SEMA6D: variants seen among roughly 807,000 people sequenced by gnomAD.
SEMA6D encodes the protein semaphorin-6D.
SEMA6D carries 35 observed loss-of-function variants against 106.6 expected under a neutral mutation model. The observed-to-expected ratio is 0.33, with a 90% CI of 0.25 to 0.44. The LOEUF (loss-of-function observed/expected upper bound fraction) is 0.44, where lower values mean the gene tolerates loss of function less well. Ranked by LOEUF, SEMA6D falls within the 20% of genes least tolerant of loss-of-function variation. SEMA6D has a pLI of 1.00. For missense variants in SEMA6D, 1,185 were observed against 1,345.9 expected (o/e 0.88, Z 1.87); for synonymous variants, 499 against 487.7 (o/e 1.02, Z -0.31).
chr15:47,561,156 C>T lies in SEMA6D; in HGVS notation c.-86-39709C>T, dbSNP rs117014482. On this transcript the variant is annotated intron_variant, in intron 3 of 19. Coordinates refer to the SEMA6D transcript ENST00000558014. Reference sequence around the variant, plus strand: ...ACAGATCCAAGATCAATGAATCTCACACAGAAATACTCAAGGAGATTCATA... The same window carrying T: ...ACAGATCCAAGATCAATGAATCTCATACAGAAATACTCAAGGAGATTCATA... Among the ~76,000 whole-genome samples, 1,509 of 151,858 alleles carry T rather than the reference C, an allele frequency of 9.9e-3. 10 individuals are homozygous for T. Among genetic ancestry groups the T allele is most frequent in the Admixed American group, 0.021 (315 of 15,210 alleles).
intron 1 of SEMA6D, among the ~76,000 whole-genome samples, chr15:47,194,528 A>G (rs1186017696): frequency 6.6e-6 from 1 of 152,298 alleles, no homozygotes; most frequent in East Asian, 1.9e-4. Flanking sequence ...AGGAAGTATC[A>G]GATCAGCATT....
At chr15:47,193,776 T>C (rs750936185) in intron 1 of SEMA6D, among the ~76,000 whole-genome samples, 13 of 152,144 alleles carry the variant, frequency 8.5e-5, no homozygotes, top group Non-Finnish European at 1.6e-4. Flanking sequence ...TTCATGTCTC[T>C]AGCTCTGCCT....
At chr15:47,675,293 GGAGA>G (rs1261142226) in intron 4 of SEMA6D, among the ~76,000 whole-genome samples, 1 of 152,150 alleles carries the variant, frequency 6.6e-6, no homozygotes, top group Non-Finnish European at 1.5e-5. Flanking sequence ...GACCATATTT[GGAGA>G]GAGAGCCTTT....
intron 3 of SEMA6D, among the ~76,000 whole-genome samples, chr15:47,527,274 G>T (rs909258581): frequency 6.6e-6 from 1 of 151,316 alleles, no homozygotes; most frequent in African/African-American, 2.4e-5. Flanking sequence ...TTATTAAGAA[G>T]AAATTTTGAA....
intron 4 of SEMA6D, among the ~76,000 whole-genome samples, chr15:47,614,752 G>A (rs1039619282): frequency 7.9e-5 from 12 of 152,146 alleles, no homozygotes; most frequent in African/African-American, 2.9e-4. Context: ...GAAATACAAG[G>A]CTTAGGAGTC....
chr15:47,185,341 T>A (rs1453250291), intron 1 of SEMA6D, among the ~76,000 whole-genome samples: 1 of 152,192 alleles, frequency 6.6e-6, no homozygotes, highest in East Asian at 1.9e-4. Context: ...GACAGCCTAG[T>A]AAATTAAACC....
chr15:47,507,440 A>G (rs886552854), intron 3 of SEMA6D, among the ~76,000 whole-genome samples: 1 of 148,330 alleles, frequency 6.7e-6, no homozygotes, highest in Admixed American at 7.0e-5. Flanking sequence ...TGCCATTCCA[A>G]CTGGGTTTCT....
chr15:47,571,327 A>G (rs1007523159), intron 3 of SEMA6D, among the ~76,000 whole-genome samples: 3 of 152,124 alleles, frequency 2.0e-5, no homozygotes, highest in African/African-American at 7.2e-5. Flanking sequence ...AACAAGGAAT[A>G]TTTTCAGAGG....
At chr15:47,230,429 G>A (rs2032111610) in intron 1 of SEMA6D, among the ~76,000 whole-genome samples, 1 of 151,984 alleles carries the variant, frequency 6.6e-6, no homozygotes, top group African/African-American at 2.4e-5. Context: ...ACATATAAAT[G>A]CATAAACATC....
chr15:47,420,962 A>G (rs2041134278), intron 2 of SEMA6D, among the ~76,000 whole-genome samples: 1 of 152,144 alleles, frequency 6.6e-6, no homozygotes, highest in East Asian at 1.9e-4. Flanking sequence ...TGGGGTTATC[A>G]TGAAGCATAA....
intron 4 of SEMA6D, among the ~76,000 whole-genome samples, chr15:47,628,426 G>C (rs1188021756): frequency 6.6e-6 from 1 of 152,060 alleles, no homozygotes; most frequent in East Asian, 1.9e-4. Context: ...AGCATTTGGT[G>C]CTGTCACTAT....
intron 3 of SEMA6D, among the ~76,000 whole-genome samples, chr15:47,543,764 T>C (rs1013382621): frequency 6.6e-6 from 1 of 152,152 alleles, no homozygotes; most frequent in African/African-American, 2.4e-5. Context: ...TGGAGTGTTA[T>C]TTCATTCCCA....
chr15:47,193,246 T>C (rs187031798), intron 1 of SEMA6D, among the ~76,000 whole-genome samples: 114 of 152,288 alleles, frequency 7.5e-4, no homozygotes, highest in Middle Eastern at 6.8e-3. Flanking sequence ...ATACATATCT[T>C]ATAAGGTTGT....
chr15:47,751,702 C>T (rs1281899952), intron 1 of SEMA6D, among the ~76,000 whole-genome samples: 1 of 152,136 alleles, frequency 6.6e-6, no homozygotes, highest in Non-Finnish European at 1.5e-5. Context: ...AAACTGGAGT[C>T]CAAAATGCTA....
chr15:47,211,217 G>GA (rs576801548), intron 1 of SEMA6D, among the ~76,000 whole-genome samples: 2 of 151,774 alleles, frequency 1.3e-5, no homozygotes, highest in Admixed American at 6.6e-5. Flanking sequence ...ACAGTTTTCT[G>GA]AAAAAAATTA....
At chr15:47,573,446 A>G (rs1307403044) in intron 3 of SEMA6D, among the ~76,000 whole-genome samples, 1 of 152,228 alleles carries the variant, frequency 6.6e-6, no homozygotes, top group Non-Finnish European at 1.5e-5. Flanking sequence ...TGAATTAAAT[A>G]CTGATCTTAT....
chr15:47,591,597 A>G (rs971096854), intron 3 of SEMA6D, among the ~76,000 whole-genome samples: 72 of 152,192 alleles, frequency 4.7e-4, no homozygotes, highest in African/African-American at 1.6e-3. Flanking sequence ...CCTAAGCTCA[A>G]AAGTTACACA....
rs1300429645 is a variant in SEMA6D, at chr15:47,433,410, TAAC to T, written c.-159+20940_-159+20942del. Among the ~76,000 whole-genome samples the T allele has an allele frequency of 2.0e-5, 3 of 152,080 alleles. No individual in the cohort carries two copies. The East Asian group carries it at 5.8e-4, about 29-fold the overall frequency. On this transcript the variant is annotated intron_variant, in intron 2 of 19. Coordinates refer to the SEMA6D transcript ENST00000558014. ...TGTCTTCTAAACAACAGATGCAGAA[TAAC>T]AGCAATAAAAACCACAGTAGAGACT...
At chr15:47,251,848 C>G (rs2033526630) in intron 1 of SEMA6D, among the ~76,000 whole-genome samples, 1 of 150,576 alleles carries the variant, frequency 6.6e-6, no homozygotes, top group Non-Finnish European at 1.5e-5. Context: ...TAATATTTGC[C>G]ATTTGTATGT....
Sources: gnomAD v4.1 joint callset for allele counts (sites outside exome capture counted in the v4.1 genomes callset) on GRCh38, gnomAD v4.1.1 for gene constraint, MANE v1.5 for transcripts, NCBI Gene and HGNC (gene_info 2026-07-23, HGNC 2026-07-21) for gene names.